Variants in FHL2 observed in about 807,000 individuals in gnomAD.
The protein encoded by FHL2 is four and a half LIM domains protein 2.
A neutral mutation model predicts 32.7 loss-of-function variants in FHL2; 20 were observed. That is an observed-to-expected ratio of 0.61 (90% CI 0.43 to 0.89). The LOEUF is 0.89. Ranked by LOEUF, FHL2 falls within the 40% of genes least tolerant of loss-of-function variation. The pLI, the probability that FHL2 is intolerant of heterozygous loss-of-function variation, is 0.00. For missense variants in FHL2, 311 were observed against 358.6 expected (o/e 0.87, Z 1.07); for synonymous variants, 123 against 128.1 (o/e 0.96, Z 0.27).
intron 5 of FHL2, among the ~76,000 whole-genome samples, chr2:105,364,615 A>G (rs1312199340): frequency 1.3e-5 from 2 of 152,212 alleles, no homozygotes; most frequent in African/African-American, 4.8e-5. Flanking sequence ...TGAGTAAGCT[A>G]TCAGAGAGGA....
At chr2:105,429,803 T>C (rs898594008) in intron 1 of FHL2, among the ~76,000 whole-genome samples, 3 of 152,192 alleles carry the variant, frequency 2.0e-5, no homozygotes, top group African/African-American at 7.2e-5. Context: ...GGAATTGTAA[T>C]TGTCCCTGCA....
In FHL2 at chr2:105,416,785, A is replaced by T. The variant is rs536796688; in HGVS notation, c.-25+21614T>A. On this transcript the variant is annotated intron_variant, in intron 1 of 5. Coordinates refer to the FHL2 transcript ENST00000393352. ...CACACTGGGAAGCTGCCACACTCAC[A>T]GTTTCCCAAAATGCTAATTTTCACC... is the stretch of plus-strand genomic sequence containing the variant. Among the ~76,000 whole-genome samples, 4 of 152,360 alleles carry T rather than the reference A, an allele frequency of 2.6e-5. No individual in the cohort carries two copies. The East Asian group carries it at 7.7e-4, about 29-fold the overall frequency.
chr2:105,367,954 C>T (rs569278843), intron 4 of FHL2, among the ~76,000 whole-genome samples: 3 of 152,300 alleles, frequency 2.0e-5, no homozygotes, highest in Non-Finnish European at 4.4e-5. Context: ...GCTCCTAGAA[C>T]AACACGTGTA....
chr2:105,410,076 C>T (rs1683748328), intron 1 of FHL2, among the ~76,000 whole-genome samples: 2 of 152,200 alleles, frequency 1.3e-5, no homozygotes, highest in African/African-American at 4.8e-5. Flanking sequence ...GAAGGCTGGA[C>T]CCAGACAGAG....
intron 1 of FHL2, among the ~76,000 whole-genome samples, chr2:105,432,178 T>C (rs1336521144): frequency 6.6e-6 from 1 of 152,158 alleles, no homozygotes; most frequent in Non-Finnish European, 1.5e-5. Context: ...ATTTCTCCCC[T>C]CACTTGGATG....
intron 2 of FHL2, among the ~76,000 whole-genome samples, chr2:105,394,581 GA>G (rs71379725): frequency 5.2e-4 from 40 of 77,252 alleles, no homozygotes; most frequent in African/African-American, 1.9e-3. Flanking sequence ...GAGACCCTGG[GA>G]AAAAAAAAAG....
chr2:105,436,835 T>C (rs1684628236), intron 1 of FHL2, among the ~76,000 whole-genome samples: 1 of 152,206 alleles, frequency 6.6e-6, no homozygotes, highest in Non-Finnish European at 1.5e-5. Flanking sequence ...AACAGATTAT[T>C]TGTAGAGTGA....
At chr2:105,384,004 T>A (rs1028243070) in intron 3 of FHL2, among the ~76,000 whole-genome samples, 1 of 152,240 alleles carries the variant, frequency 6.6e-6, no homozygotes, top group African/African-American at 2.4e-5. Context: ...GGGAGACTCT[T>A]GTTTATTTGC....
intron 4 of FHL2, among the ~76,000 whole-genome samples, chr2:105,368,771 A>G (rs880427): frequency 0.71 from 107,985 of 152,042 alleles, 38,783 homozygotes; most frequent in African/African-American, 0.79. Context: ...AGATAGGCGT[A>G]TAAACAAGTA....
At chr2:105,386,756 C>CTTTTTTTT (rs11380471) in intron 2 of FHL2, among the ~76,000 whole-genome samples, 7 of 48,952 alleles carry the variant, frequency 1.4e-4, no homozygotes, top group Admixed American at 2.7e-4. Context: ...ATGCATTCCA[C>CTTTTTTTT]TTTTTTTTTT....
At chr2:105,368,980 A>T (rs1394277925) in intron 4 of FHL2, among the ~76,000 whole-genome samples, 1 of 152,214 alleles carries the variant, frequency 6.6e-6, no homozygotes, top group African/African-American at 2.4e-5. Context: ...CATTGTTTAC[A>T]TCCGCTTTTA....
At position 105,372,233 on chromosome 2, in the gene FHL2, C is replaced by CT. The variant is rs10706417; in HGVS notation, c.331+1325dup. On this transcript the variant is annotated intron_variant, in intron 4 of 6. Coordinates refer to ENST00000530340, the MANE Select transcript of FHL2 (RefSeq NM_001318895.3). ...ATTATTCCTTATCCTACATAACTTT[C>CT]TTTTTTTTTTGAGACGGAGTCTCAC... Among the ~76,000 whole-genome samples the CT allele has an allele frequency of 1.1e-4, 16 of 151,098 alleles. No individual in the cohort carries two copies. The East Asian group carries it at 1.8e-3, about 17-fold the overall frequency.
At chr2:105,420,693 G>A (rs948704922) in intron 1 of FHL2, among the ~76,000 whole-genome samples, 2 of 152,148 alleles carry the variant, frequency 1.3e-5, no homozygotes, top group African/African-American at 4.8e-5. Flanking sequence ...GAATTGGGAG[G>A]TGGGGGGCAG....
chr2:105,425,117 T>C (rs1684219448), intron 1 of FHL2, among the ~76,000 whole-genome samples: 1 of 152,208 alleles, frequency 6.6e-6, no homozygotes, highest in Non-Finnish European at 1.5e-5. Context: ...ACCTGTACTT[T>C]AAACAATTGC....
chr2:105,405,404 T>G (rs991924187), intron 1 of FHL2, among the ~76,000 whole-genome samples: 5 of 152,156 alleles, frequency 3.3e-5, no homozygotes, highest in Admixed American at 6.6e-5. Context: ...CACTTGTTCC[T>G]CAGAATGTTT....
chr2:105,405,274 A>C lies in FHL2; in HGVS notation c.-24-18734T>G, dbSNP rs563732802. On this transcript the variant is annotated intron_variant, in intron 1 of 5. Coordinates refer to the FHL2 transcript ENST00000393352. ...CCAAAATCCATTTAAAGGAAGTATT[A>C]ATGTCTAAAGTCTGTGCAAACCTGG... 5.7e-4 allele frequency among the ~76,000 whole-genome samples: 87 copies of C among 152,314 alleles called. 1 individual carries two copies. Among genetic ancestry groups the C allele is most frequent in the Non-Finnish European group, 9.7e-4 (66 of 68,028 alleles).
At chr2:105,410,336 A>G (rs1022995486) in intron 1 of FHL2, among the ~76,000 whole-genome samples, 1 of 152,030 alleles carries the variant, frequency 6.6e-6, no homozygotes, top group Admixed American at 6.6e-5. Context: ...CAAGCAGATA[A>G]CCCCACATAG....
upstream of FHL2, among the ~76,000 whole-genome samples, chr2:105,403,759 A>G (rs1683544748): frequency 6.6e-6 from 1 of 152,220 alleles, no homozygotes; most frequent in Admixed American, 6.5e-5. Flanking sequence ...GGGGAGGGAC[A>G]GGGAAATAGA....
At chr2:105,422,611 T>G (rs558894374) in intron 1 of FHL2, among the ~76,000 whole-genome samples, 1 of 150,746 alleles carries the variant, frequency 6.6e-6, no homozygotes, top group South Asian at 2.1e-4. Context: ...TTTGTTGTTG[T>G]TGTTATTGTT....
Sources: allele counts gnomAD v4.1 joint callset (sites outside exome capture counted in the v4.1 genomes callset), GRCh38; gene constraint gnomAD v4.1.1; transcripts MANE v1.5; gene names NCBI Gene and HGNC (gene_info 2026-07-23, HGNC 2026-07-21).